KAZN: variants seen among roughly 807,000 people sequenced by gnomAD.
KAZN encodes kazrin, periplakin interacting protein.
In KAZN, 40 loss-of-function variants were observed where a neutral mutation model predicts 87.4. That is an observed-to-expected ratio of 0.46 (90% CI 0.36 to 0.60). The LOEUF is 0.60. KAZN is among the 20% of genes least tolerant of loss of function. KAZN has a pLI of 0.00. For missense variants in KAZN, 898 were observed against 1,073.9 expected, an observed-to-expected ratio of 0.84 and a Z score of 2.29; for synonymous variants, 466 against 458.3, an observed-to-expected ratio of 1.02 and a Z score of -0.22.
intron 2 of KAZN, among the ~76,000 whole-genome samples, chr1:14,997,235 T>G (rs1329615597): frequency 2.7e-5 from 4 of 149,742 alleles, no homozygotes; most frequent in Non-Finnish European, 4.4e-5. Flanking sequence ...ATTTATTTAT[T>G]TATTTATTTA....
At chr1:14,962,630 T>C (rs986334163) in intron 2 of KAZN, among the ~76,000 whole-genome samples, 2 of 152,208 alleles carry the variant, frequency 1.3e-5, no homozygotes, top group East Asian at 3.9e-4. Context: ...TGTTGTCGTT[T>C]GGTCTTGCCA....
chr1:14,338,472 G>A (rs1657432681), intron 2 of KAZN, among the ~76,000 whole-genome samples: 1 of 134,506 alleles, frequency 7.4e-6, no homozygotes, highest in Admixed American at 7.7e-5. Flanking sequence ...GCAACAGAAT[G>A]AGACTCCATC....
chr1:13,935,515 A>G (rs35855087), intron 1 of KAZN, among the ~76,000 whole-genome samples: 5,343 of 152,246 alleles, frequency 0.035, 124 homozygotes, highest in Middle Eastern at 0.075. Context: ...GTTTTCCAAG[A>G]ACCTGGCCTT....
chr1:14,096,836 G>T (rs1194312298), intron 1 of KAZN, among the ~76,000 whole-genome samples: 7 of 152,206 alleles, frequency 4.6e-5, no homozygotes. Flanking sequence ...GTAACAGGGA[G>T]CATCTGTATT....
intron 1 of KAZN, among the ~76,000 whole-genome samples, chr1:14,770,102 G>T (rs1480540303): frequency 6.6e-6 from 1 of 151,844 alleles, no homozygotes; most frequent in African/African-American, 2.4e-5. Flanking sequence ...AGAGTGGATG[G>T]GTCAAGCTAG....
chr1:14,863,489 C>G (rs751232161), intron 1 of KAZN, among the ~76,000 whole-genome samples: 1 of 152,172 alleles, frequency 6.6e-6, no homozygotes, highest in African/African-American at 2.4e-5. Flanking sequence ...GGTCCCTCCT[C>G]ATTTTCCACT....
intron 1 of KAZN, among the ~76,000 whole-genome samples, chr1:14,154,981 CCTT>C (rs1645560863): frequency 6.6e-6 from 1 of 151,242 alleles, no homozygotes; most frequent in Non-Finnish European, 1.5e-5. Flanking sequence ...TTCCTTCCTT[CCTT>C]CCTTCCTTCC....
intron 2 of KAZN, among the ~76,000 whole-genome samples, chr1:14,413,913 T>A (rs1354226017): frequency 6.6e-6 from 1 of 152,098 alleles, no homozygotes; most frequent in Non-Finnish European, 1.5e-5. Context: ...AAAGACAAAA[T>A]ACGAATGGCT....
intron 1 of KAZN, among the ~76,000 whole-genome samples, chr1:14,141,710 G>A (rs1645243808): frequency 6.7e-6 from 1 of 149,320 alleles, no homozygotes; most frequent in African/African-American, 2.6e-5. Context: ...AAGGCAAACT[G>A]AGTGAAAATA....
intron 2 of KAZN, among the ~76,000 whole-genome samples, chr1:14,201,451 C>T (rs779060226): frequency 2.8e-4 from 43 of 152,304 alleles, no homozygotes; most frequent in African/African-American, 5.8e-4. Context: ...CTGGCTGCCC[C>T]GGAGCAGCTG....
chr1:15,011,632 G>C (rs1669582384), intron 2 of KAZN, among the ~76,000 whole-genome samples: 1 of 152,150 alleles, frequency 6.6e-6, no homozygotes, highest in South Asian at 2.1e-4. Context: ...TTCTGTGCTA[G>C]CAGGGTGCCA....
At chr1:14,688,448 G>C (rs1641086415) in intron 1 of KAZN, among the ~76,000 whole-genome samples, 1 of 152,210 alleles carries the variant, frequency 6.6e-6, no homozygotes, top group Non-Finnish European at 1.5e-5. Context: ...CTCATCACGT[G>C]CCCGGCAGCA....
chr1:14,337,238 C>T (rs959818051), intron 2 of KAZN, among the ~76,000 whole-genome samples: 1 of 152,178 alleles, frequency 6.6e-6, no homozygotes, highest in South Asian at 2.1e-4. Flanking sequence ...ATGGTGCAGG[C>T]AGGTGTCACA....
chr1:13,898,398 A>G (rs1182636738), intron 1 of KAZN, among the ~76,000 whole-genome samples: 2 of 152,162 alleles, frequency 1.3e-5, no homozygotes, highest in Non-Finnish European at 2.9e-5. Context: ...GACTTCATCT[A>G]TTGTGCCAAG....
At chr1:14,428,034 G>A (rs1665838437) in intron 2 of KAZN, among the ~76,000 whole-genome samples, 4 of 152,114 alleles carry the variant, frequency 2.6e-5, no homozygotes, top group Admixed American at 2.6e-4. Context: ...TCTGAATGAG[G>A]GCCCTGGCAA....
chr1:13,897,469 G>T (rs1639087589), intron 1 of KAZN, among the ~76,000 whole-genome samples: 1 of 152,152 alleles, frequency 6.6e-6, no homozygotes, highest in African/African-American at 2.4e-5. Context: ...CACACACGAG[G>T]CCACACTCTC....
chr1:14,275,131 A>T (rs989992719), intron 2 of KAZN, among the ~76,000 whole-genome samples: 3 of 152,198 alleles, frequency 2.0e-5, no homozygotes, highest in Non-Finnish European at 4.4e-5. Context: ...TAAATAGGAC[A>T]TTACCAATAT....
At chr1:15,109,210 C>T (rs947253107) in intron 13 of KAZN, among the ~76,000 whole-genome samples, 8 of 152,102 alleles carry the variant, frequency 5.3e-5, no homozygotes, top group Non-Finnish European at 4.4e-5. Flanking sequence ...CATGGCAAAA[C>T]CCGGTCTCTA....
At chr1:14,172,683 A>G (rs767424047) in intron 1 of KAZN, among the ~76,000 whole-genome samples, 1 of 152,244 alleles carries the variant, frequency 6.6e-6, no homozygotes, top group East Asian at 1.9e-4. Flanking sequence ...TAGGCTCCAC[A>G]GTGGCTGTGG....
Sources: gnomAD v4.1 joint callset for allele counts (sites outside exome capture counted in the v4.1 genomes callset) on GRCh38, gnomAD v4.1.1 for gene constraint, MANE v1.5 for transcripts, NCBI Gene and HGNC (gene_info 2026-07-23, HGNC 2026-07-21) for gene names.